Variants in ZNF10 observed in about 807,000 individuals in gnomAD.
ZNF10 encodes zinc finger protein 10 (KOX 1).
ZNF10 carries 8 observed loss-of-function variants against 12.2 expected under a neutral mutation model. The observed-to-expected ratio is 0.66, with a 90% CI of 0.39 to 1.18. The LOEUF is 1.18. Ranked by LOEUF, ZNF10 falls within the 50% of genes most tolerant of loss-of-function variation. The pLI is 0.01. For synonymous variants in ZNF10, 229 were observed against 228.2 expected, an observed-to-expected ratio of 1.00 and a Z score of -0.03; for missense variants, 603 against 678.9, an observed-to-expected ratio of 0.89 and a Z score of 1.24.
Position 133,156,553 on chromosome 12 carries a change from A to G in ZNF10, c.1307A>G (p.Lys436Arg). Residue 436 changes from lysine to arginine, a missense_variant, in exon 5 of 5, where the codon AAG becomes AGG. By Grantham distance (26) the Lys-to-Arg change is conservative. This residue lies in a region of ZNF10 where 204 missense variants were observed against 262.8 expected (regional missense o/e 0.78). Coordinates refer to ENST00000248211, the MANE Select transcript of ZNF10 (RefSeq NM_015394.5). ...IHTGLKPFEC[K>R]DCGKCFSRSS... ...ACTGGACTAAAACCTTTTGAGTGTA[A>G]GGATTGTGGAAAATGTTTTAGTCGA... 1 of 1,613,774 alleles carries G rather than the reference A, an allele frequency of 6.2e-7. No individual in the cohort carries two copies. The highest frequency in any genetic ancestry group is 2.2e-5 in the East Asian group (1 of 44,882).
intron 2 of ZNF10, among the ~76,000 whole-genome samples, chr12:133,145,479 C>T (rs1047422764): frequency 6.6e-6 from 1 of 152,048 alleles, no homozygotes; most frequent in Non-Finnish European, 1.5e-5. Context: ...AGAACTGACT[C>T]ATGGTGAAGT....
chr12:133,131,829 A>G (rs1955879371), intron 1 of ZNF10, among the ~76,000 whole-genome samples: 1 of 152,036 alleles, frequency 6.6e-6, no homozygotes, highest in East Asian at 1.9e-4. Flanking sequence ...GATACACATC[A>G]TAAATTAAAT....
At position 133,158,831 on chromosome 12, in the gene ZNF10, G is replaced by A. The variant is rs922905530; in HGVS notation, c.*1863G>A. 2.0e-5 allele frequency: 3 copies of A among 152,164 alleles called. No individual in the cohort carries two copies. The highest frequency in any genetic ancestry group is 4.4e-5 in the Non-Finnish European group (3 of 68,034). 9.4% of individuals were successfully genotyped at this position (152,164 alleles called of 1,614,324 possible). A position where few individuals can be genotyped will look rare whatever the true frequency, so the allele number is the denominator to read the frequency against. ...TGGCAGCCTCTAGCTCATACTTGTC[G>A]TTGTACAATTGAGATCAAGTGAATT... is the stretch of plus-strand genomic sequence containing the variant. On this transcript the variant is annotated 3_prime_UTR_variant, in exon 5 of 5. Transcript: ENST00000248211.
Position 133,151,908 on chromosome 12 carries a change from AGG to A in ZNF10, c.256+5_256+6del. 1 of 1,612,426 alleles carries A rather than the reference AGG, an allele frequency of 6.2e-7. No individual in the cohort carries two copies. Among genetic ancestry groups the A allele is most frequent in the Non-Finnish European group, 8.5e-7 (1 of 1,178,824 alleles). On this transcript the variant is annotated splice_donor_5th_base_variant and intron_variant, in intron 4 of 4. Coordinates refer to ENST00000248211, the MANE Select transcript of ZNF10 (RefSeq NM_015394.5). ...ATTCACCAAGAGACCCATCCTGGTGAGGACCAGTCAAGAGTTGTCATAGGCAG... is the reference window on the plus strand; with the variant it reads ...ATTCACCAAGAGACCCATCCTGGTGAACCAGTCAAGAGTTGTCATAGGCAG...
At chr12:133,150,498 C>A (rs534313673) in intron 2 of ZNF10, among the ~76,000 whole-genome samples, 2 of 151,848 alleles carry the variant, frequency 1.3e-5, no homozygotes, top group Non-Finnish European at 2.9e-5. Context: ...TGATAAGGGC[C>A]TTGCATCTGT....
chr12:133,151,018 G>T lies in ZNF10; in HGVS notation c.34-10G>T. The T allele has an allele frequency of 1.9e-6, 3 of 1,611,196 alleles. No individual in the cohort carries two copies. The highest frequency in any genetic ancestry group is 2.5e-6 in the Non-Finnish European group (3 of 1,178,052). On this transcript the variant is annotated splice_polypyrimidine_tract_variant and intron_variant, in intron 2 of 4. Transcript: ENST00000248211. ...TATCTGGTGCAATGCAAATGTGTTT[G>T]ATGTTGTAGACACTGGTGACCTTCA...
intron 1 of ZNF10, among the ~76,000 whole-genome samples, chr12:133,136,158 G>A (rs1955909917): frequency 6.6e-6 from 1 of 152,134 alleles, no homozygotes; most frequent in African/African-American, 2.4e-5. Flanking sequence ...GAAGCCTGAT[G>A]CCTTCATCAG....
Position 133,148,750 on chromosome 12 carries a change from G to GTTTT in ZNF10, c.34-2278_34-2277insTTTT, listed in dbSNP as rs201972025. Among the ~76,000 whole-genome samples, 54 of 137,388 alleles carry GTTTT rather than the reference G, an allele frequency of 3.9e-4. 2 individuals carry two copies. Among genetic ancestry groups the GTTTT allele is most frequent in the Non-Finnish European group, 6.3e-4 (40 of 63,434 alleles). 90.1% of individuals were successfully genotyped at this position (137,388 alleles called of 152,430 possible). Reference sequence around the variant, plus strand: ...AGGTTTCTAGGTTGTATTCAATGTTGGTTTTTTTTTTTTTTTTTTGAGTTG... The same window carrying GTTTT: ...AGGTTTCTAGGTTGTATTCAATGTTGTTTTGTTTTTTTTTTTTTTTTTTGAGTTG... On this transcript the variant is annotated intron_variant, in intron 2 of 4. Transcript: ENST00000248211.
At chr12:133,150,964 G>C (rs999059212) in intron 2 of ZNF10, 64 bp from the exon 3 acceptor site, 191 of 1,548,098 alleles carry the variant, frequency 1.2e-4, no homozygotes, top group Non-Finnish European at 1.6e-4. Flanking sequence ...TCCTGTTAGC[G>C]ATCAGGAAAG....
chr12:133,157,001 CTT>C lies in ZNF10; in HGVS notation c.*35_*36del, dbSNP rs755857876. ...GGGAATTTTTCACAAAGAGCAATGACTTTATTTTGCATTGGAGAACTCCTGGA... is the reference window on the plus strand; with the variant it reads ...GGGAATTTTTCACAAAGAGCAATGACTATTTTGCATTGGAGAACTCCTGGA... On this transcript the variant is annotated 3_prime_UTR_variant, in exon 5 of 5. Transcript: ENST00000248211. 18 of 1,402,900 alleles carry C rather than the reference CTT, an allele frequency of 1.3e-5. No individual in the cohort carries two copies. The East Asian group carries it at 4.1e-4, about 32-fold the overall frequency. The allele number at this position is 1,402,900 out of a possible 1,614,324, so 86.9% of individuals were successfully genotyped here. A position where few individuals can be genotyped will look rare whatever the true frequency, so the allele number is the denominator to read the frequency against.
intron 2 of ZNF10, among the ~76,000 whole-genome samples, 177 bp downstream of exon 2, chr12:133,144,702 CTTCT>C (rs1955965610): frequency 6.6e-6 from 1 of 152,096 alleles, no homozygotes; most frequent in South Asian, 2.1e-4. Flanking sequence ...CTTTCCCTCT[CTTCT>C]TTTATTATAG....
intron 1 of ZNF10, chr12:133,131,058 C>T (rs1408789130): frequency 2.6e-5 from 4 of 152,082 alleles, no homozygotes; most frequent in Admixed American, 6.5e-5. Context: ...AATAAGGTTT[C>T]TTCTAGTCTA....
At chr12:133,153,123 C>T (rs182650423) in intron 4 of ZNF10, among the ~76,000 whole-genome samples, 5 of 151,566 alleles carry the variant, frequency 3.3e-5, no homozygotes, top group Admixed American at 3.3e-4. Flanking sequence ...TGACAAGTAT[C>T]CAAAAATAAC....
At chr12:133,143,106 A>G (rs568476379) in intron 1 of ZNF10, among the ~76,000 whole-genome samples, 2 of 152,348 alleles carry the variant, frequency 1.3e-5, no homozygotes, top group African/African-American at 2.4e-5. Context: ...CAAATATTGT[A>G]TGATTCCACT....
At position 133,156,362 on chromosome 12, in the gene ZNF10, T is replaced by G. The variant is rs1444543081; in HGVS notation, c.1116T>G (p.Thr372=). 6.2e-7 allele frequency: 1 copy of G among 1,614,160 alleles called. No individual in the cohort carries two copies. The highest frequency in any genetic ancestry group is 1.3e-5 in the African/African-American group (1 of 75,048). The change falls in exon 5 of 5, where the codon ACT becomes ACG. Residue 372 remains threonine (T), a synonymous_variant. Transcript: ENST00000248211. ...TTATTAGACACCAGAGGACACATAC[T>G]GGAGAGAAACCCTATGAATGTCCTG... ...SRLIRHQRTH[T]GEKPYECPEC... is the part of the protein sequence containing the mutation.
At chr12:133,137,512 C>T (rs1217050830) in intron 1 of ZNF10, among the ~76,000 whole-genome samples, 1 of 152,180 alleles carries the variant, frequency 6.6e-6, no homozygotes, top group Admixed American at 6.5e-5. Context: ...CCCCAACCTC[C>T]CTTACCTACC....
intron 1 of ZNF10, among the ~76,000 whole-genome samples, chr12:133,132,415 G>A (rs1955885599): frequency 1.3e-5 from 2 of 151,674 alleles, no homozygotes; most frequent in African/African-American, 2.4e-5. Flanking sequence ...GATTACAGGC[G>A]CCAGCCACCA....
At chr12:133,144,799 TA>T in intron 2 of ZNF10, 1 of 497,402 alleles carries the variant, frequency 2.0e-6, no homozygotes, top group Non-Finnish European at 3.8e-6. Flanking sequence ...GTGTTACATT[TA>T]AAATGGACTG....
chr12:133,140,446 T>A lies in ZNF10; in HGVS notation c.-59-3988T>A, dbSNP rs111494562. 3.5e-3 allele frequency among the ~76,000 whole-genome samples: 519 copies of A among 146,572 alleles called. 2 individuals carry two copies. The highest frequency in any genetic ancestry group is 6.1e-3 in the Admixed American group (91 of 14,798). ...TAGACGTCTTTTTTTTTTTTTTTTT[T>A]AAATAAGTCTTACCACGTGTCAGGC... On this transcript the variant is annotated intron_variant, in intron 1 of 4. Transcript: ENST00000248211.
Sources: gnomAD v4.1 joint callset for allele counts (sites outside exome capture counted in the v4.1 genomes callset) on GRCh38, gnomAD v4.1.1 for gene constraint, gnomAD v4.1.1 regional missense constraint, MANE v1.5 for transcripts, NCBI Gene and HGNC (gene_info 2026-07-23, HGNC 2026-07-21) for gene names.